Variants in MLXIPL observed in about 807,000 individuals in gnomAD.
MLXIPL encodes the protein MLX interacting protein like.
A neutral mutation model predicts 81.5 loss-of-function variants in MLXIPL; 49 were observed. The observed-to-expected ratio is 0.60, with a 90% CI of 0.48 to 0.76. The LOEUF (loss-of-function observed/expected upper bound fraction) is 0.76. MLXIPL is among the 30% of genes least tolerant of loss of function. The pLI is 0.00. For synonymous variants in MLXIPL, 466 were observed against 485.5 expected (o/e 0.96, Z 0.53); for missense variants, 1,053 against 1,167.0 (o/e 0.90, Z 1.42).
chr7:73,631,674 T>C, the MLXIPL span, among the ~76,000 whole-genome samples: 1 of 146,444 alleles, frequency 6.8e-6, no homozygotes, highest in Non-Finnish European at 1.5e-5. Context: ...CTCAAAGTAC[T>C]GGGATTACAG....
At chr7:73,641,053 G>A in the MLXIPL span, among the ~76,000 whole-genome samples, 4 of 152,022 alleles carry the variant, frequency 2.6e-5, no homozygotes, top group South Asian at 2.1e-4. Flanking sequence ...TGTAATCCTC[G>A]CACTTTGGGA....
At chr7:73,607,711 T>C (rs1554598827) in intron 2 of MLXIPL, 39 bp from the exon 3 acceptor site, 1 of 1,579,632 alleles carries the variant, frequency 6.3e-7, no homozygotes, top group Non-Finnish European at 8.7e-7. Context: ...CCCAGCTTCC[T>C]CATCCCCCAC....
the MLXIPL span, among the ~76,000 whole-genome samples, chr7:73,643,261 G>A: frequency 6.6e-6 from 1 of 152,052 alleles, no homozygotes; most frequent in East Asian, 1.9e-4. Context: ...ATGTTACAAA[G>A]ATTAGGACAT....
intron 8 of MLXIPL, among the ~76,000 whole-genome samples, chr7:73,598,052 C>A (rs1427203154): frequency 6.6e-6 from 1 of 151,998 alleles, no homozygotes; most frequent in Admixed American, 6.6e-5. Flanking sequence ...CCAACTCACC[C>A]ATCCATTCAT....
chr7:73,600,805 G>C (rs1794755714), intron 7 of MLXIPL, among the ~76,000 whole-genome samples: 1 of 151,896 alleles, frequency 6.6e-6, no homozygotes, highest in African/African-American at 2.4e-5. Context: ...AGCTGGGGGA[G>C]GCAGTAGCGG....
Position 73,605,769 on chromosome 7 carries a change from C to T in MLXIPL, c.821-1G>A. The T allele has an allele frequency of 6.2e-7, 1 of 1,612,622 alleles. No homozygotes were observed. On this transcript the variant is annotated splice_acceptor_variant, in intron 6 of 16. Transcript: ENST00000313375. LOFTEE classifies it high-confidence loss of function. Reference sequence around the variant, plus strand: ...ATCATGTCAGCATTGCCGACGTAGGCTGGAGGCAGCAGTGGCGACATCAGC... The same window carrying T: ...ATCATGTCAGCATTGCCGACGTAGGTTGGAGGCAGCAGTGGCGACATCAGC...
the MLXIPL span, among the ~76,000 whole-genome samples, chr7:73,646,474 A>G: frequency 5.7e-4 from 86 of 152,126 alleles, 2 homozygotes; most frequent in Non-Finnish European, 7.4e-5. Context: ...CCTGGCTCTG[A>G]GCTGCCCTCC....
At position 73,596,829 on chromosome 7, in the gene MLXIPL, G is replaced by C. The variant is rs1554594265; in HGVS notation, c.1671+36C>G. 3.7e-6 allele frequency: 6 copies of C among 1,608,824 alleles called. No individual in the cohort carries two copies. Among genetic ancestry groups the C allele is most frequent in the Non-Finnish European group, 5.1e-6 (6 of 1,178,394 alleles). ...GGCGGAGAGTCGGGTTGAAGGCCGT[G>C]GGCACAGCCCCACCGCCCAGTGCCC... On this transcript the variant is annotated intron_variant, in intron 10 of 16. Transcript: ENST00000313375. The surrounding 1 kb of genome is among the most constrained non-coding windows in gnomAD (Gnocchi z 4.7).
intron 2 of MLXIPL, among the ~76,000 whole-genome samples, chr7:73,614,949 T>C (rs1487975314): frequency 6.6e-6 from 1 of 151,956 alleles, no homozygotes; most frequent in African/African-American, 2.4e-5. Context: ...TAGCTGGGAC[T>C]ACAGGCACCC....
chr7:73,600,386 GGT>G (rs1554595770), intron 7 of MLXIPL, among the ~76,000 whole-genome samples: 6 of 122,886 alleles, frequency 4.9e-5, no homozygotes, highest in Non-Finnish European at 6.8e-5. Context: ...GGGTGAGGGG[GGT>G]GCCTAAGGCT....
At chr7:73,633,610 T>A in the MLXIPL span, among the ~76,000 whole-genome samples, 147 of 152,202 alleles carry the variant, frequency 9.7e-4, 1 homozygote, top group Non-Finnish European at 1.6e-3. Flanking sequence ...GGAGCCACCA[T>A]GCCAGGCTAA....
chr7:73,595,131 C>A (rs2116151093), intron 15 of MLXIPL, among the ~76,000 whole-genome samples: 1 of 152,270 alleles, frequency 6.6e-6, no homozygotes, highest in South Asian at 2.1e-4. Context: ...CAGGCGTGAG[C>A]CACCGCACCT....
the MLXIPL span, among the ~76,000 whole-genome samples, chr7:73,646,383 A>G: frequency 6.6e-6 from 1 of 152,070 alleles, no homozygotes; most frequent in African/African-American, 2.4e-5. Context: ...GACAAACATC[A>G]TCTCCACCAG....
chr7:73,615,604 G>A (rs1412006870), intron 2 of MLXIPL, among the ~76,000 whole-genome samples: 3 of 151,962 alleles, frequency 2.0e-5, no homozygotes, highest in African/African-American at 4.8e-5. Flanking sequence ...TGGTGCTGGG[G>A]GCCTGGTCTC....
chr7:73,619,801 G>A (rs1156613850), intron 1 of MLXIPL, among the ~76,000 whole-genome samples: 2 of 151,480 alleles, frequency 1.3e-5, no homozygotes, highest in Non-Finnish European at 2.9e-5. Context: ...GTGGTGGCAG[G>A]TGCCTGTGGT....
rs72649011 is a variant in MLXIPL at position 73,594,000 on chromosome 7, G to A, written c.2441-17C>T. 5,996 of 1,597,352 alleles carry A rather than the reference G, an allele frequency of 3.8e-3. 30 individuals are homozygous for A. Among genetic ancestry groups the A allele is most frequent in the Middle Eastern group, 0.021 (128 of 6,046 alleles). ...TCAGGACAGCTGGGTGGGAGACAGA[G>A]AGAGAGAGACAGACACTTCCTGGGG... is the stretch of plus-strand genomic sequence containing the variant. On this transcript the variant is annotated splice_polypyrimidine_tract_variant and intron_variant, in intron 16 of 16. Transcript: ENST00000313375.
At chr7:73,628,076 C>T (rs542641302), upstream of MLXIPL, among the ~76,000 whole-genome samples, 53 of 152,220 alleles carry the variant, frequency 3.5e-4, no homozygotes, top group African/African-American at 1.3e-3. Flanking sequence ...TCCACCACGG[C>T]CTCCCAAAGT....
At chr7:73,625,465 C>G (rs900058322), upstream of MLXIPL, among the ~76,000 whole-genome samples, 4 of 152,136 alleles carry the variant, frequency 2.6e-5, no homozygotes, top group Non-Finnish European at 5.9e-5. Flanking sequence ...AACATGGTGG[C>G]CAACACGGTG....
intron 2 of MLXIPL, among the ~76,000 whole-genome samples, chr7:73,615,650 C>CA (rs1279294085): frequency 1.3e-5 from 2 of 152,042 alleles, no homozygotes; most frequent in African/African-American, 4.8e-5. Context: ...CGTGGTGGCT[C>CA]ACGCCTGTAA....
Sources: allele counts gnomAD v4.1 joint callset (sites outside exome capture counted in the v4.1 genomes callset), GRCh38; gene constraint gnomAD v4.1.1; non-coding constraint Gnocchi (gnomAD v3.1); transcripts MANE v1.5; gene names NCBI Gene and HGNC (gene_info 2026-07-23, HGNC 2026-07-21).